The following MDN1 variants were observed in gnomAD, a reference collection of about 807,000 sequenced individuals.
MDN1 encodes midasin AAA ATPase 1.
In MDN1, 266 loss-of-function variants were observed where a neutral mutation model predicts 669.2. The ratio of observed to expected loss-of-function variants is 0.40; its 90% CI spans 0.36 to 0.44. MDN1 has a LOEUF of 0.44. Ranked by LOEUF, MDN1 falls within the 20% of genes least tolerant of loss-of-function variation. MDN1 has a pLI of 1.00. For missense variants in MDN1, 5,940 were observed against 6,754.0 expected, an observed-to-expected ratio of 0.88 and a Z score of 4.22; for synonymous variants, 2,385 against 2,457.1, an observed-to-expected ratio of 0.97 and a Z score of 0.87.
chr6:89,648,082 G>A lies in MDN1; in HGVS notation c.16345C>T (p.Gln5449Ter). 1 of 1,614,162 alleles carries A rather than the reference G, an allele frequency of 6.2e-7. No homozygotes were observed. Among genetic ancestry groups the A allele is most frequent in the Non-Finnish European group, 8.5e-7 (1 of 1,180,012 alleles). The stretch of plus-strand genomic sequence containing the variant: ...TGGAATTTGCAGAGACGTAGAATCT[G>A]GGACCCAGAGTAATCACTGAACTGC... ...HEQFSDYSGS[Q>*]ILRLCKFQQK... Residue 5449 changes from glutamine (Q) to a stop codon, truncating the protein, a stop_gained, in exon 99 of 102, where the codon CAG (glutamine) becomes TAG (stop). Transcript: ENST00000369393. LOFTEE classifies it high-confidence loss of function.
Position 89,650,147 on chromosome 6 carries a change from G to A in MDN1, c.16083C>T (p.Tyr5361=), listed in dbSNP as rs1243504888. ...KRLNIRKVIP[Y]IASQFRKDKI... is the part of the protein sequence containing the mutation. ...TGTCTTTCCGAAATTGACTAGCAAT[G>A]TATGGAATGACTTTCCGTATGTTTA... The change falls in exon 97 of 102, where the codon TAC becomes TAT. Residue 5361 remains tyrosine, a synonymous_variant. Coordinates refer to ENST00000369393, the MANE Select transcript of MDN1 (RefSeq NM_014611.3). The A allele has an allele frequency of 2.5e-6, 4 of 1,614,146 alleles. No homozygotes were observed. The highest frequency in any genetic ancestry group is 3.4e-6 in the Non-Finnish European group (4 of 1,180,004).
At chr6:89,648,182 T>G (rs1275155428) in intron 98 of MDN1, 36 bp from the exon 99 acceptor site, 3 of 1,609,606 alleles carry the variant, frequency 1.9e-6, no homozygotes, top group Middle Eastern at 3.3e-4. Context: ...CAGGAGTTAT[T>G]TTTTGGCTGT....
chr6:89,803,886 TTTTC>T (rs1190661983), intron 1 of MDN1, among the ~76,000 whole-genome samples: 4 of 73,112 alleles, frequency 5.5e-5, no homozygotes, highest in South Asian at 3.9e-4. Context: ...CGGCCTTTTC[TTTTC>T]TTTTCTTTTT....
chr6:89,714,843 A>C, intron 45 of MDN1, 92 bp from the exon 46 acceptor site: 1 of 993,432 alleles, frequency 1.0e-6, no homozygotes. Flanking sequence ...GGCAAATCCT[A>C]TGTGGCTCAT....
intron 59 of MDN1, among the ~76,000 whole-genome samples, chr6:89,698,635 AAT>A (rs1812938037): frequency 6.6e-6 from 1 of 152,222 alleles, no homozygotes; most frequent in African/African-American, 2.4e-5. Flanking sequence ...AATTAGAAAA[AAT>A]AGACTTTTTC....
intron 24 of MDN1, 70 bp downstream of exon 24, chr6:89,750,284 G>C: frequency 6.9e-7 from 1 of 1,446,906 alleles, no homozygotes; most frequent in Non-Finnish European, 9.5e-7. Context: ...AAAGGATGAA[G>C]AATATTACTT....
chr6:89,762,407 G>T lies in MDN1; in HGVS notation c.2268C>A (p.Tyr756Ter). Residue 756 changes from tyrosine (Y) to a stop codon, truncating the protein, a stop_gained, in exon 16 of 102, where the codon TAC becomes TAA. Coordinates refer to ENST00000369393, the MANE Select transcript of MDN1 (RefSeq NM_014611.3). LOFTEE classifies it high-confidence loss of function. ...FTFLGHIQTC[Y>*]RQKRWHDLLR... Reference sequence around the variant, plus strand: ...GGAGATCATGCCACCGTTTCTGTCTGTAACAGGTCTGAATGTGCCCCAAGA... The same window carrying T: ...GGAGATCATGCCACCGTTTCTGTCTTTAACAGGTCTGAATGTGCCCCAAGA... 6.2e-7 allele frequency: 1 copy of T among 1,614,120 alleles called. No individual in the cohort carries two copies. The highest frequency in any genetic ancestry group is 8.5e-7 in the Non-Finnish European group (1 of 1,180,012).
At chr6:89,689,060 C>T (rs191928512) in intron 65 of MDN1, among the ~76,000 whole-genome samples, 89 of 152,284 alleles carry the variant, frequency 5.8e-4, no homozygotes, top group African/African-American at 2.0e-3. Context: ...CAGCTTCTTG[C>T]GGGCCTGAGG....
intron 29 of MDN1, among the ~76,000 whole-genome samples, chr6:89,744,248 C>T (rs1342026378): frequency 6.6e-6 from 1 of 151,142 alleles, no homozygotes; most frequent in African/African-American, 2.4e-5. Context: ...TTTAAAAGAA[C>T]TAAATAGACA....
intron 1 of MDN1, chr6:89,815,121 CT>C (rs1295109221): frequency 2.5e-5 from 10 of 402,034 alleles, no homozygotes; most frequent in Non-Finnish European, 4.9e-5. Context: ...GGAGCTGCCC[CT>C]GACCACTCAG....
rs752340083 is a variant in MDN1, at chr6:89,649,993, A to G, written c.16206+31T>C. 10 of 1,611,790 alleles carry G rather than the reference A, an allele frequency of 6.2e-6. No homozygotes were observed. The Admixed American group carries it at 1.0e-4, about 16-fold the overall frequency. ...GAACATAGCTTGATGTTAATTTCCTATCAAACTGCCACTGCATTTCTCTTC... is the reference window on the plus strand; with the variant it reads ...GAACATAGCTTGATGTTAATTTCCTGTCAAACTGCCACTGCATTTCTCTTC... On this transcript the variant is annotated intron_variant, in intron 97 of 101. Transcript: ENST00000369393.
intron 84 of MDN1, among the ~76,000 whole-genome samples, chr6:89,667,669 GT>G (rs903376190): frequency 1.3e-5 from 2 of 151,916 alleles, no homozygotes; most frequent in African/African-American, 4.8e-5. Flanking sequence ...TGGCATTATT[GT>G]TTAATGCAAT....
chr6:89,761,423 T>C (rs1474059187), intron 17 of MDN1, among the ~76,000 whole-genome samples: 1 of 152,188 alleles, frequency 6.6e-6, no homozygotes, highest in Non-Finnish European at 1.5e-5. Flanking sequence ...CATGAATATA[T>C]ACAATTATAA....
At chr6:89,740,801 A>G (rs1298563554) in intron 31 of MDN1, among the ~76,000 whole-genome samples, 1 of 152,256 alleles carries the variant, frequency 6.6e-6, no homozygotes, top group Non-Finnish European at 1.5e-5. Context: ...GAACCTCAAA[A>G]CATCAATGCA....
intron 9 of MDN1, among the ~76,000 whole-genome samples, chr6:89,783,764 T>C (rs1818803439): frequency 6.6e-6 from 1 of 152,142 alleles, no homozygotes; most frequent in South Asian, 2.1e-4. Context: ...TTCCTCTCTT[T>C]GTACTCTTTC....
intron 61 of MDN1, 150 bp from the exon 62 acceptor site, chr6:89,694,333 C>A (rs914175506): frequency 9.3e-6 from 6 of 646,462 alleles, no homozygotes; most frequent in Non-Finnish European, 1.7e-5. Flanking sequence ...CATTAATCTA[C>A]ACCACTCACA....
At chr6:89,814,903 C>G in intron 1 of MDN1, 2 of 493,020 alleles carry the variant, frequency 4.1e-6, no homozygotes, top group South Asian at 1.6e-5. Context: ...AAACCAGGGT[C>G]AGGGCAGTAA....
chr6:89,658,240 C>T lies in MDN1; in HGVS notation c.15152G>A (p.Gly5051Glu), dbSNP rs1400950732. 1 of 1,614,204 alleles carries T rather than the reference C, an allele frequency of 6.2e-7. No individual in the cohort carries two copies. Among genetic ancestry groups the T allele is most frequent in the South Asian group, 1.1e-5 (1 of 91,078 alleles). Residue 5051 changes from glycine to glutamate, a missense_variant, in exon 90 of 102, where the codon GGG (glycine) becomes GAG (glutamate). Transcript: ENST00000369393. ...CCCCTGCTCCTTCTCAGGTGCGGCCCCAGCCAGCTCCATGGCCTGTGTGTT... is the reference window on the plus strand; with the variant it reads ...CCCCTGCTCCTTCTCAGGTGCGGCCTCAGCCAGCTCCATGGCCTGTGTGTT... ...MQNTQAMELA[G>E]AAPEKEQGKE...
intron 2 of MDN1, among the ~76,000 whole-genome samples, chr6:89,800,896 G>A (rs1421824447): frequency 6.6e-6 from 1 of 152,158 alleles, no homozygotes; most frequent in Non-Finnish European, 1.5e-5. Flanking sequence ...CCAAACTGAC[G>A]TCAGAGAATT....
Sources: gnomAD v4.1 joint callset for allele counts (sites outside exome capture counted in the v4.1 genomes callset) on GRCh38, gnomAD v4.1.1 for gene constraint, MANE v1.5 for transcripts, NCBI Gene and HGNC (gene_info 2026-07-23, HGNC 2026-07-21) for gene names.